FAT3: variants seen among roughly 807,000 people sequenced by gnomAD.
The protein encoded by FAT3 is protocadherin Fat 3.
In FAT3, 95 loss-of-function variants were observed where a neutral mutation model predicts 310.2. That is an observed-to-expected ratio of 0.31 (90% confidence interval 0.26 to 0.36). The LOEUF (loss-of-function observed/expected upper bound fraction) is 0.36. Among genes scored for constraint, FAT3 ranks in the 10% least tolerant of loss-of-function variants. The pLI is 1.00. For synonymous variants in FAT3, 2,314 were observed against 2,192.9 expected (o/e 1.06, Z -1.54); for missense variants, 5,408 against 5,715.6 (o/e 0.95, Z 1.74).
chr11:92,464,017 G>A (rs1243597346), intron 2 of FAT3, among the ~76,000 whole-genome samples: 5 of 152,196 alleles, frequency 3.3e-5, no homozygotes, highest in African/African-American at 1.2e-4. Context: ...TATAAAGCAT[G>A]GCTTCTGGTC....
intron 3 of FAT3, among the ~76,000 whole-genome samples, chr11:92,687,249 A>G (rs556863263): frequency 6.6e-6 from 1 of 152,302 alleles, no homozygotes; most frequent in South Asian, 2.1e-4. Context: ...TGAGGAACCT[A>G]GTATTGTCCC....
At chr11:92,444,748 G>A (rs886760424) in intron 2 of FAT3, among the ~76,000 whole-genome samples, 1 of 151,764 alleles carries the variant, frequency 6.6e-6, no homozygotes, top group Non-Finnish European at 1.5e-5. Context: ...TAGCAGTCAG[G>A]ACATCTGATT....
At chr11:92,308,986 C>T (rs772237076) in intron 1 of FAT3, among the ~76,000 whole-genome samples, 30 of 152,024 alleles carry the variant, frequency 2.0e-4, no homozygotes. Context: ...TGGAATTCTA[C>T]GCCCCCGGGA....
intron 3 of FAT3, among the ~76,000 whole-genome samples, chr11:92,583,473 A>AT (rs1223389400): frequency 1.3e-5 from 2 of 152,020 alleles, no homozygotes; most frequent in African/African-American, 4.8e-5. Flanking sequence ...GCAACCTAAG[A>AT]TAACATTCCT....
At chr11:92,704,813 C>T (rs1278913295) in intron 4 of FAT3, among the ~76,000 whole-genome samples, 1 of 152,180 alleles carries the variant, frequency 6.6e-6, no homozygotes, top group Non-Finnish European at 1.5e-5. Flanking sequence ...AGTAAGCAGC[C>T]AGATTTCATC....
rs139093976 is a variant in FAT3, at chr11:92,746,971, C to G, written c.3670-14885C>G. ...CCTCCCTCCTGACTGCTTTCATGGACTGACATTGTGTCTGCAGCTTTTCCA... is the reference window on the plus strand; with the variant it reads ...CCTCCCTCCTGACTGCTTTCATGGAGTGACATTGTGTCTGCAGCTTTTCCA... On this transcript the variant is annotated intron_variant, in intron 4 of 27. Coordinates refer to ENST00000525166, the MANE Select transcript of FAT3 (RefSeq NM_001367949.2). Among the ~76,000 whole-genome samples the G allele has an allele frequency of 5.1e-3, 778 of 152,304 alleles. 5 individuals carry two copies. Among genetic ancestry groups the G allele is most frequent in the African/African-American group, 0.018 (764 of 41,568 alleles).
At chr11:92,683,742 A>T (rs1943553146) in intron 3 of FAT3, among the ~76,000 whole-genome samples, 1 of 152,158 alleles carries the variant, frequency 6.6e-6, no homozygotes, top group South Asian at 2.1e-4. Flanking sequence ...GGCCTATGAG[A>T]CTATGGAATG....
At chr11:92,333,214 G>A (rs1360297427) in intron 1 of FAT3, among the ~76,000 whole-genome samples, 6 of 152,138 alleles carry the variant, frequency 3.9e-5, no homozygotes, top group Non-Finnish European at 8.8e-5. Context: ...GCTGCCTTAG[G>A]TCATTCAACT....
At chr11:92,485,342 T>C (rs1952347849) in intron 2 of FAT3, among the ~76,000 whole-genome samples, 1 of 152,190 alleles carries the variant, frequency 6.6e-6, no homozygotes, top group Admixed American at 6.5e-5. Context: ...TATTGACAGA[T>C]TTCATTTTAA....
At chr11:92,331,949 A>G (rs1471047404) in intron 1 of FAT3, among the ~76,000 whole-genome samples, 1 of 152,238 alleles carries the variant, frequency 6.6e-6, no homozygotes, top group East Asian at 1.9e-4. Flanking sequence ...AGGGTTCCTT[A>G]TCAAATCCTT....
chr11:92,587,062 G>A (rs577366894), intron 3 of FAT3, among the ~76,000 whole-genome samples: 1 of 152,088 alleles, frequency 6.6e-6, no homozygotes, highest in African/African-American at 2.4e-5. Context: ...TCTTCTTATA[G>A]CTGAATTTTC....
intron 2 of FAT3, among the ~76,000 whole-genome samples, chr11:92,356,187 A>G (rs377669214): frequency 5.3e-5 from 8 of 152,120 alleles, no homozygotes; most frequent in African/African-American, 1.9e-4. Context: ...TAAAATGTTC[A>G]TGTGCCTGGA....
At chr11:92,555,825 C>G (rs1954997363) in intron 3 of FAT3, among the ~76,000 whole-genome samples, 1 of 152,172 alleles carries the variant, frequency 6.6e-6, no homozygotes, top group Admixed American at 6.5e-5. Flanking sequence ...ATAAAATTAC[C>G]ACACTCACCA....
chr11:92,809,705 T>G, intron 12 of FAT3, 138 bp from the exon 13 acceptor site: 6 of 647,128 alleles, frequency 9.3e-6, no homozygotes, highest in South Asian at 4.3e-5. Context: ...TGCTACATTT[T>G]TAAAGTATGG....
At chr11:92,678,756 T>G (rs1776921613) in intron 3 of FAT3, among the ~76,000 whole-genome samples, 2 of 152,202 alleles carry the variant, frequency 1.3e-5, no homozygotes, top group South Asian at 4.1e-4. Flanking sequence ...GTAATTTACA[T>G]CTGGGTAATT....
chr11:92,643,714 C>T (rs185272240), intron 3 of FAT3, among the ~76,000 whole-genome samples: 2 of 152,344 alleles, frequency 1.3e-5, no homozygotes, highest in East Asian at 3.9e-4. Flanking sequence ...TGCCCATAAA[C>T]ACCCCAGGCT....
At chr11:92,863,455 G>C (rs2136337431) in intron 21 of FAT3, among the ~76,000 whole-genome samples, 1 of 152,168 alleles carries the variant, frequency 6.6e-6, no homozygotes, top group South Asian at 2.1e-4. Context: ...TGTCTTCCAA[G>C]CCCCAAGCTA....
At chr11:92,599,254 T>C (rs1215147499) in intron 3 of FAT3, among the ~76,000 whole-genome samples, 1 of 152,166 alleles carries the variant, frequency 6.6e-6, no homozygotes, top group East Asian at 1.9e-4. Context: ...CTCAGGAAAC[T>C]TACAATCATT....
At chr11:92,669,114 A>T (rs1346846232) in intron 3 of FAT3, among the ~76,000 whole-genome samples, 1 of 152,130 alleles carries the variant, frequency 6.6e-6, no homozygotes, top group Non-Finnish European at 1.5e-5. Flanking sequence ...ACTTTTCTAG[A>T]TCTTTTTTCA....
Sources: gnomAD v4.1 joint callset for allele counts (sites outside exome capture counted in the v4.1 genomes callset) on GRCh38, gnomAD v4.1.1 for gene constraint, MANE v1.5 for transcripts, NCBI Gene and HGNC (gene_info 2026-07-23, HGNC 2026-07-21) for gene names.